The following PALS2 variants were observed in gnomAD, a reference collection of about 807,000 sequenced individuals.
PALS2 encodes the protein protein PALS2.
In PALS2, 27 loss-of-function variants were observed where a neutral mutation model predicts 61.6. That is an observed-to-expected ratio of 0.44 (90% CI 0.32 to 0.60). The LOEUF is 0.60. Among genes scored for constraint, PALS2 ranks in the 20% least tolerant of loss-of-function variants. PALS2 has a pLI of 0.05. For synonymous variants in PALS2, 236 were observed against 218.6 expected (o/e 1.08, Z -0.70); for missense variants, 554 against 639.4 (o/e 0.87, Z 1.44).
chr7:24,577,405 T>G (rs1420297232), intron 1 of PALS2, among the ~76,000 whole-genome samples: 1 of 152,112 alleles, frequency 6.6e-6, no homozygotes. Context: ...GTCAGAGTTA[T>G]CACTGATACA....
intron 1 of PALS2, among the ~76,000 whole-genome samples, chr7:24,583,522 T>C (rs1782930054): frequency 6.6e-6 from 1 of 152,154 alleles, no homozygotes; most frequent in Non-Finnish European, 1.5e-5. Context: ...ACCATTACTT[T>C]CTTGAAAGAA....
intron 2 of PALS2, 26 bp from the exon 3 acceptor site, chr7:24,641,690 A>G (rs775828438): frequency 3.2e-6 from 5 of 1,543,966 alleles, no homozygotes; most frequent in Non-Finnish European, 4.4e-6. Context: ...AAGTATTACT[A>G]CTTTAATATA....
intron 1 of PALS2, among the ~76,000 whole-genome samples, chr7:24,591,510 A>G (rs1783285328): frequency 1.3e-5 from 2 of 152,164 alleles, no homozygotes. Context: ...GTCTGGAGTA[A>G]TACTAAGAAT....
intron 3 of PALS2, among the ~76,000 whole-genome samples, chr7:24,642,801 A>C (rs79718729): frequency 0.069 from 10,537 of 152,234 alleles, 451 homozygotes; most frequent in African/African-American, 0.11. Context: ...TCAGAGACAT[A>C]TCCTGTGCAG....
chr7:24,690,002 T>C lies in PALS2; in HGVS notation c.*2388T>C, dbSNP rs745343661. 1 of 152,264 alleles carries C rather than the reference T, an allele frequency of 6.6e-6. No individual in the cohort carries two copies. Among genetic ancestry groups the C allele is most frequent in the Non-Finnish European group, 1.5e-5 (1 of 68,040 alleles). 9.4% of individuals were successfully genotyped at this position (152,264 alleles called of 1,614,324 possible). On this transcript the variant is annotated 3_prime_UTR_variant, in exon 12 of 12. Transcript: ENST00000222644. ...TTACATCATGTATATTAGCCTTATGTGATATAAAATGTATTACTTAGAAAA... is the reference window on the plus strand; with the variant it reads ...TTACATCATGTATATTAGCCTTATGCGATATAAAATGTATTACTTAGAAAA...
At chr7:24,640,548 G>GT (rs953262341) in intron 2 of PALS2, among the ~76,000 whole-genome samples, 1 of 152,058 alleles carries the variant, frequency 6.6e-6, no homozygotes, top group Non-Finnish European at 1.5e-5. Context: ...ATCTTACATG[G>GT]TTTTGTTTAT....
chr7:24,668,396 A>G (rs1346203289), intron 8 of PALS2, 103 bp from the exon 9 acceptor site: 4 of 1,093,924 alleles, frequency 3.7e-6, no homozygotes, highest in Non-Finnish European at 5.2e-6. Flanking sequence ...GTCAAGTGAT[A>G]TTTAACTATC....
chr7:24,584,114 A>G (rs1485458202), intron 1 of PALS2, among the ~76,000 whole-genome samples: 3 of 149,670 alleles, frequency 2.0e-5, no homozygotes, highest in South Asian at 2.2e-4. Context: ...TAATGCCGCA[A>G]TAAACATACG....
chr7:24,624,666 G>A (rs185630723), intron 2 of PALS2, among the ~76,000 whole-genome samples: 66 of 142,858 alleles, frequency 4.6e-4, no homozygotes, highest in Non-Finnish European at 7.9e-4. Context: ...GAGTGCACTG[G>A]CACGATCTCA....
intron 5 of PALS2, among the ~76,000 whole-genome samples, chr7:24,659,898 A>G (rs1302784188): frequency 1.3e-5 from 2 of 152,148 alleles, no homozygotes; most frequent in East Asian, 3.9e-4. Context: ...CTGATACTGT[A>G]TTCCATGCAC....
intron 1 of PALS2, among the ~76,000 whole-genome samples, chr7:24,584,622 C>T (rs1347782148): frequency 1.3e-5 from 2 of 151,744 alleles, no homozygotes; most frequent in Middle Eastern, 3.4e-3. Context: ...TGCCTGTTCA[C>T]TCTGATGGTA....
intron 11 of PALS2, among the ~76,000 whole-genome samples, chr7:24,683,214 A>C (rs994319060): frequency 2.6e-5 from 4 of 152,174 alleles, no homozygotes; most frequent in African/African-American, 9.7e-5. Flanking sequence ...TATAAACTAG[A>C]ATTCTTAAGA....
intron 2 of PALS2, among the ~76,000 whole-genome samples, chr7:24,638,283 T>TA (rs1450325685): frequency 2.0e-5 from 3 of 149,084 alleles, no homozygotes; most frequent in Non-Finnish European, 4.5e-5. Context: ...CTACAGTTTC[T>TA]AAAAAAACCT....
chr7:24,607,434 C>T (rs1450447731), intron 1 of PALS2, among the ~76,000 whole-genome samples: 1 of 151,624 alleles, frequency 6.6e-6, no homozygotes, highest in Non-Finnish European at 1.5e-5. Context: ...ACTTTTAGCT[C>T]TTAGTGTTTA....
At chr7:24,649,893 T>C (rs1278749465) in intron 4 of PALS2, 129 bp downstream of exon 4, 2 of 865,900 alleles carry the variant, frequency 2.3e-6, no homozygotes. Flanking sequence ...TTGGCCTGTG[T>C]ATAAAGACAC....
intron 9 of PALS2, among the ~76,000 whole-genome samples, chr7:24,675,718 A>G (rs1233603018): frequency 1.5e-5 from 2 of 137,858 alleles, no homozygotes; most frequent in African/African-American, 5.9e-5. Flanking sequence ...AAAGGACATG[A>G]ACTCATCATT....
At chr7:24,597,807 C>G (rs1457868675) in intron 1 of PALS2, among the ~76,000 whole-genome samples, 2 of 151,706 alleles carry the variant, frequency 1.3e-5, no homozygotes, top group Non-Finnish European at 2.9e-5. Context: ...TCTTTTTTTC[C>G]TTTTTCTTCT....
At chr7:24,578,607 A>G (rs1782726442) in intron 1 of PALS2, among the ~76,000 whole-genome samples, 1 of 152,166 alleles carries the variant, frequency 6.6e-6, no homozygotes, top group South Asian at 2.1e-4. Context: ...GACCACTTCT[A>G]GTCCTCTTAG....
At chr7:24,645,213 A>G (rs1417770668) in intron 3 of PALS2, among the ~76,000 whole-genome samples, 5 of 151,968 alleles carry the variant, frequency 3.3e-5, no homozygotes, top group South Asian at 2.1e-4. Flanking sequence ...GACCATTCCT[A>G]TGGCCAGGAT....
Sources: gnomAD v4.1 joint callset for allele counts (sites outside exome capture counted in the v4.1 genomes callset) on GRCh38, gnomAD v4.1.1 for gene constraint, MANE v1.5 for transcripts, NCBI Gene and HGNC (gene_info 2026-07-23, HGNC 2026-07-21) for gene names.